PNLIPRP1: variants seen among roughly 807,000 people sequenced by gnomAD.
The protein encoded by PNLIPRP1 is inactive pancreatic lipase-related protein 1.
In PNLIPRP1, 57 loss-of-function variants were observed where a neutral mutation model predicts 54.6. That is an observed-to-expected ratio of 1.04 (90% CI 0.84 to 1.30). The LOEUF is 1.30. Ranked by LOEUF, PNLIPRP1 falls within the 50% of genes most tolerant of loss-of-function variation. PNLIPRP1 has a pLI of 0.00. For synonymous variants in PNLIPRP1, 232 were observed against 208.8 expected (o/e 1.11, Z -0.96); for missense variants, 567 against 568.5 (o/e 1.00, Z 0.03).
chr10:116,594,864 G>C lies in PNLIPRP1; in HGVS notation c.465G>C (p.Leu155Phe), dbSNP rs782225657. 9 of 1,613,734 alleles carry C rather than the reference G, an allele frequency of 5.6e-6. No homozygotes were observed. Among genetic ancestry groups the C allele is most frequent in the South Asian group, 1.1e-5 (1 of 91,050 alleles). Residue 155 changes from leucine to phenylalanine, a missense_variant and splice_region_variant, in exon 5 of 13, where the codon TTG becomes TTC. Physicochemically the swap from Leu to Phe is conservative, Grantham distance 22 (BLOSUM62 0). Coordinates refer to ENST00000358834, the MANE Select transcript of PNLIPRP1 (RefSeq NM_006229.4). ...AQVAQMLDIL[L>F]TEYSYPPSKV... is the part of the protein sequence containing the mutation. ...TGGCCCAGATGCTCGACATCCTCTT[G>C]GTGAGTCAGCTGGCTGGCCTATGTG... is the stretch of plus-strand genomic sequence containing the variant.
At chr10:116,591,691 T>TG in intron 2 of PNLIPRP1, 80 bp from the exon 3 acceptor site, 1 of 1,419,444 alleles carries the variant, frequency 7.0e-7, no homozygotes, top group Non-Finnish European at 9.8e-7. Flanking sequence ...AATAGAAGAG[T>TG]GACCAGGCCC....
chr10:116,606,181 G>A (rs1167200700), intron 12 of PNLIPRP1, among the ~76,000 whole-genome samples: 1 of 152,126 alleles, frequency 6.6e-6, no homozygotes, highest in African/African-American at 2.4e-5. Flanking sequence ...GAGATCCTGG[G>A]CTCTCAGCCA....
In PNLIPRP1 at chr10:116,601,122, T is replaced by C. The variant is rs149175744; in HGVS notation, c.984T>C (p.Tyr328=). The C allele has an allele frequency of 5.6e-6, 9 of 1,613,958 alleles. No individual in the cohort carries two copies. Among genetic ancestry groups the C allele is most frequent in the African/African-American group, 2.7e-5 (2 of 74,924 alleles). ...PDQGCPQMGH[Y]ADKFAGRTSE... ...AAGGATGCCCACAGATGGGTCACTA[T>C]GCTGATAAATTTGCTGGCAGGACAA... The change falls in exon 10 of 13, where the codon TAT becomes TAC. Residue 328 remains tyrosine (Y), a synonymous_variant. Coordinates refer to ENST00000358834, the MANE Select transcript of PNLIPRP1 (RefSeq NM_006229.4).
chr10:116,593,149 C>G (rs1167993129), intron 4 of PNLIPRP1: 2 of 141,362 alleles, frequency 1.4e-5, no homozygotes, highest in Non-Finnish European at 3.0e-5. Context: ...GCCTGGGCAA[C>G]AGAGTGAGAC....
At position 116,604,885 on chromosome 10, in the gene PNLIPRP1, G is replaced by A. The variant is rs771640097; in HGVS notation, c.1173-501G>A. ...TGTATTTTTAGTAGAGATGGGGGGC[G>A]TTTTGCCATGTTGGCCAGGCTGGTC... On this transcript the variant is annotated intron_variant, in intron 11 of 12. Transcript: ENST00000358834. Among the ~76,000 whole-genome samples the A allele has an allele frequency of 6.8e-4, 104 of 151,886 alleles. 2 individuals carry two copies. Among genetic ancestry groups the A allele is most frequent in the Non-Finnish European group, 1.2e-3 (83 of 67,920 alleles).
At chr10:116,593,261 CAGA>C (rs1847673007) in intron 4 of PNLIPRP1, 1 of 154,456 alleles carries the variant, frequency 6.5e-6, no homozygotes, top group Non-Finnish European at 1.4e-5. Flanking sequence ...AGGAGAGCAA[CAGA>C]AGAATACACA....
At position 116,591,919 on chromosome 10, in the gene PNLIPRP1, CT is replaced by C; in HGVS notation, c.201del (p.Gln68LysfsTer30). 5.0e-6 allele frequency: 8 copies of C among 1,614,168 alleles called. No homozygotes were observed. The highest frequency in any genetic ancestry group is 5.1e-6 in the Non-Finnish European group (6 of 1,180,024). ...TGTACACCAATGAAAACCCAAACAA[CT>C]TTCAAGTGAGACCTCTGTCATTTAA... The part of the protein sequence containing the change: ...LLYTNENPNN[F>X]QILLLSDPST... On this transcript the variant is annotated frameshift_variant, in exon 3 of 13. Transcript: ENST00000358834. LOFTEE classifies it high-confidence loss of function.
chr10:116,603,039 TTGTGTA>T (rs1299425627), intron 10 of PNLIPRP1, among the ~76,000 whole-genome samples: 1 of 152,044 alleles, frequency 6.6e-6, no homozygotes, highest in Non-Finnish European at 1.5e-5. Context: ...ATGCATATGT[TTGTGTA>T]TATGTATTTG....
At position 116,604,115 on chromosome 10, in the gene PNLIPRP1, C is replaced by T; in HGVS notation, c.1149C>T (p.Asn383=). The T allele has an allele frequency of 6.2e-7, 1 of 1,604,966 alleles. No homozygotes were observed. The highest frequency in any genetic ancestry group is 2.2e-5 in the East Asian group (1 of 44,818). The change falls in exon 11 of 13, where the codon AAC becomes AAT. Residue 383 remains asparagine (N), a synonymous_variant. Transcript: ENST00000358834. ...TTGCTTTGTTTGGAAATAAGGGAAACACTCACCAGTACAGTATCTTCAGGT... is the reference window on the plus strand; with the variant it reads ...TTGCTTTGTTTGGAAATAAGGGAAATACTCACCAGTACAGTATCTTCAGGT... ...IKVALFGNKG[N]THQYSIFRGI...
chr10:116,594,975 C>G (rs1847710471), intron 5 of PNLIPRP1, 111 bp downstream of exon 5: 1 of 1,307,138 alleles, frequency 7.7e-7, no homozygotes, highest in East Asian at 2.5e-5. Context: ...AATTGATATC[C>G]AGACCTTACT....
intron 3 of PNLIPRP1, chr10:116,592,159 G>A (rs1009234551): frequency 1.6e-6 from 1 of 630,054 alleles, no homozygotes; most frequent in Non-Finnish European, 2.7e-6. Context: ...ATTCTGGTCT[G>A]GGGCAAACAG....
At position 116,601,203 on chromosome 10, in the gene PNLIPRP1, T is replaced by A. The variant is rs782181591; in HGVS notation, c.1063+2T>A. On this transcript the variant is annotated splice_donor_variant, in intron 10 of 12. Coordinates refer to ENST00000358834, the MANE Select transcript of PNLIPRP1 (RefSeq NM_006229.4). LOFTEE classifies it high-confidence loss of function. Reference sequence around the variant, plus strand: ...CAGGAGAGGCTAGCAATTTCGCTCGTAAGTTGCACTTTGACTACCTGCCCA... The same window carrying A: ...CAGGAGAGGCTAGCAATTTCGCTCGAAAGTTGCACTTTGACTACCTGCCCA... 8.7e-6 allele frequency: 14 copies of A among 1,611,714 alleles called. No individual in the cohort carries two copies. The highest frequency in any genetic ancestry group is 1.2e-5 in the Non-Finnish European group (14 of 1,179,288).
intron 9 of PNLIPRP1, 94 bp downstream of exon 9, chr10:116,600,259 C>T (rs1847810855): frequency 1.9e-5 from 15 of 804,906 alleles, no homozygotes; most frequent in South Asian, 1.2e-4. Flanking sequence ...TCTCACTACA[C>T]GTTTTGCATT....
chr10:116,599,113 G>T (rs1344497530), intron 8 of PNLIPRP1, among the ~76,000 whole-genome samples: 2 of 151,974 alleles, frequency 1.3e-5, no homozygotes, highest in African/African-American at 4.8e-5. Context: ...AAAGTAGCCA[G>T]TCGTGGTGGT....
intron 6 of PNLIPRP1, 119 bp from the exon 7 acceptor site, chr10:116,597,709 A>C: frequency 3.5e-6 from 4 of 1,136,784 alleles, no homozygotes; most frequent in Non-Finnish European, 5.1e-6. Context: ...GCACTGCATC[A>C]CTCTGGTGCA....
chr10:116,600,193 A>C (rs782470470), intron 9 of PNLIPRP1, 28 bp downstream of exon 9: 1 of 1,413,898 alleles, frequency 7.1e-7, no homozygotes, highest in Non-Finnish European at 1.0e-6. Context: ...CTCGAGCAAC[A>C]AGCATCACCC....
chr10:116,598,022 C>T (rs1847766727), intron 7 of PNLIPRP1, 25 bp from the exon 8 acceptor site: 1 of 1,614,016 alleles, frequency 6.2e-7, no homozygotes, highest in Admixed American at 1.7e-5. Flanking sequence ...TGACAAAAAG[C>T]TCATTGTTTT....
chr10:116,602,968 G>A (rs375089314), intron 10 of PNLIPRP1, among the ~76,000 whole-genome samples: 1 of 151,110 alleles, frequency 6.6e-6, no homozygotes, highest in Non-Finnish European at 1.5e-5. Context: ...CACATGTTGT[G>A]TATATGTATT....
chr10:116,600,041 T>C lies in PNLIPRP1; in HGVS notation c.815-6T>C. The stretch of plus-strand genomic sequence containing the variant: ...CCTGTTCAGGTCTCCTTATTTGTTT[T>C]CCCAGGAACCCGGGACTTTGTGGCT... On this transcript the variant is annotated splice_polypyrimidine_tract_variant and splice_region_variant and intron_variant, in intron 8 of 12. Coordinates refer to ENST00000358834, the MANE Select transcript of PNLIPRP1 (RefSeq NM_006229.4). 1 of 1,607,808 alleles carries C rather than the reference T, an allele frequency of 6.2e-7. No homozygotes were observed. The highest frequency in any genetic ancestry group is 8.5e-7 in the Non-Finnish European group (1 of 1,174,330).
Sources: allele counts gnomAD v4.1 joint callset (sites outside exome capture counted in the v4.1 genomes callset), GRCh38; gene constraint gnomAD v4.1.1; transcripts MANE v1.5; gene names NCBI Gene and HGNC (gene_info 2026-07-23, HGNC 2026-07-21).